The following HDAC7 variants were observed in gnomAD, a reference collection of about 807,000 sequenced individuals.
The protein encoded by HDAC7 is histone deacetylase 7A.
Under a neutral mutation model 115.5 loss-of-function variants are expected in HDAC7, and 26 were observed. That is an observed-to-expected ratio of 0.23 (90% CI 0.16 to 0.31). HDAC7 has a LOEUF of 0.31. HDAC7 is among the 10% of genes least tolerant of loss of function. The pLI is 1.00. For synonymous variants in HDAC7, 564 were observed against 550.9 expected, an observed-to-expected ratio of 1.02 and a Z score of -0.33; for missense variants, 1,068 against 1,329.0, an observed-to-expected ratio of 0.80 and a Z score of 3.05.
chr12:47,788,119 G>C lies in HDAC7; in HGVS notation c.2281C>G (p.Pro761Ala), dbSNP rs143706913. 5 of 1,613,508 alleles carry C rather than the reference G, an allele frequency of 3.1e-6. No individual in the cohort carries two copies. Among genetic ancestry groups the C allele is most frequent in the South Asian group, 2.2e-5 (2 of 90,982 alleles). The change falls in exon 20 of 26, where the codon CCC becomes GCC. Residue 761 changes from proline (P) to alanine (A), a missense_variant. This residue lies in a region of HDAC7 where 182 missense variants were observed against 301.1 expected (regional missense o/e 0.60). Coordinates refer to ENST00000080059, the MANE Select transcript of HDAC7 (RefSeq NM_015401.5). ...TGCAGGGAGATGTAGAGCACACTGGGGTCTTGGTAGAAGGTTTGCTGGGTG... is the reference window on the plus strand; with the variant it reads ...TGCAGGGAGATGTAGAGCACACTGGCGTCTTGGTAGAAGGTTTGCTGGGTG... ...NGTQQTFYQD[P>A]SVLYISLHRH... is the part of the protein sequence containing the mutation.
intron 1 of HDAC7, among the ~76,000 whole-genome samples, chr12:47,810,826 CT>C (rs1944624623): frequency 1.0e-5 from 1 of 97,122 alleles, no homozygotes; most frequent in South Asian, 3.2e-4. Context: ...CTCTCTCTCT[CT>C]CTCTCTCTCT....
intron 13 of HDAC7, 22 bp from the exon 14 acceptor site, chr12:47,792,026 C>T (rs748232722): frequency 5.7e-6 from 9 of 1,587,810 alleles, no homozygotes; most frequent in African/African-American, 4.0e-5. Context: ...AGGGTCAGAG[C>T]GGGGACCCAG....
At chr12:47,817,062 A>G (rs1944870889) in intron 1 of HDAC7, among the ~76,000 whole-genome samples, 3 of 152,230 alleles carry the variant, frequency 2.0e-5, no homozygotes, top group African/African-American at 7.2e-5. Flanking sequence ...CTGTAGCCCT[A>G]AGGCCTGGGG....
At chr12:47,794,691 C>G in intron 12 of HDAC7, 69 bp downstream of exon 12, 3 of 1,437,360 alleles carry the variant, frequency 2.1e-6, no homozygotes, top group Non-Finnish European at 9.2e-7. Context: ...TCCCTCCCTT[C>G]CCCATCTTAT....
In HDAC7 at chr12:47,789,829, G is replaced by A. The variant is rs754320041; in HGVS notation, c.2075C>T (p.Ala692Val). The A allele has an allele frequency of 6.2e-7, 1 of 1,613,462 alleles. No homozygotes were observed. The highest frequency in any genetic ancestry group is 2.2e-5 in the East Asian group (1 of 44,882). Residue 692 changes from alanine (A) to valine (V), a missense_variant, in exon 17 of 26, where the codon GCT (alanine) becomes GTT (valine). By Grantham distance (64) the Ala-to-Val change is moderately conservative (BLOSUM62 0). Coordinates refer to ENST00000080059, the MANE Select transcript of HDAC7 (RefSeq NM_015401.5). ...ACCTCCTACCTTTAGCTCACGAGAAGCCACTTTGAAGGCGAGGTCAGTGAC... is the reference window on the plus strand; with the variant it reads ...ACCTCCTACCTTTAGCTCACGAGAAACCACTTTGAAGGCGAGGTCAGTGAC... ...GSVTDLAFKV[A>V]SRELKNGFAV...
Position 47,798,882 on chromosome 12 carries a change from G to T in HDAC7, c.161C>A (p.Pro54Gln). 1 of 1,546,964 alleles carries T rather than the reference G, an allele frequency of 6.5e-7. No homozygotes were observed. Among genetic ancestry groups the T allele is most frequent in the East Asian group, 2.4e-5 (1 of 42,536 alleles). The change falls in exon 3 of 26, where the codon CCA becomes CAA. Residue 54 changes from proline to glutamine, a missense_variant. Physicochemically the swap from Pro to Gln is moderately conservative, Grantham distance 76. Around this residue, in one of 6 missense-constraint regions of HDAC7, gnomAD observed 161 missense variants for 158.5 expected, o/e 1.02. Coordinates refer to ENST00000080059, the MANE Select transcript of HDAC7 (RefSeq NM_015401.5). This position sits in a 1 kb window ranked among gnomAD's most constrained non-coding sequence, Gnocchi z 4.3. Reference sequence around the variant, plus strand: ...CTGCAGGGCCAGCAATGTGGGCTCTGGTGGGGGCTCCACTGGGGGCCGCTG... The same window carrying T: ...CTGCAGGGCCAGCAATGTGGGCTCTTGTGGGGGCTCCACTGGGGGCCGCTG... ...VGQRPPVEPPPEPTLLALQRP... is the reference protein window; with the variant it reads ...VGQRPPVEPPQEPTLLALQRP...
rs548837747 is a variant in HDAC7 at position 47,815,984 on chromosome 12, C to T, written c.19+3783G>A. Among the ~76,000 whole-genome samples the T allele has an allele frequency of 1.3e-3, 203 of 150,878 alleles. 1 individual carries two copies. Among genetic ancestry groups the T allele is most frequent in the African/African-American group, 4.5e-3 (186 of 40,980 alleles). On this transcript the variant is annotated intron_variant, in intron 1 of 25. Coordinates refer to ENST00000080059, the MANE Select transcript of HDAC7 (RefSeq NM_015401.5). ...TTGGCTCACCGCAACCTCTGCCTCC[C>T]GGGTTTAAGCAATTCTCCTGCCTCA...
chr12:47,818,510 G>A (rs1242411414), intron 1 of HDAC7, among the ~76,000 whole-genome samples: 2 of 152,208 alleles, frequency 1.3e-5, no homozygotes, highest in South Asian at 2.1e-4. Flanking sequence ...GGAAAGGGCC[G>A]CCAAAGCGTC....
At chr12:47,802,889 G>T (rs1042110976) in intron 1 of HDAC7, among the ~76,000 whole-genome samples, 2 of 152,136 alleles carry the variant, frequency 1.3e-5, no homozygotes, top group African/African-American at 4.8e-5. Flanking sequence ...ATAAGGTCAG[G>T]AGTGCACAGC....
chr12:47,816,461 A>G (rs1228227289), intron 1 of HDAC7, among the ~76,000 whole-genome samples: 1 of 152,150 alleles, frequency 6.6e-6, no homozygotes, highest in Non-Finnish European at 1.5e-5. Context: ...AAAACACCCA[A>G]CACAGAACCA....
Position 47,787,761 on chromosome 12 carries a change from C to T in HDAC7, c.2404G>A (p.Gly802Arg). The T allele has an allele frequency of 6.2e-7, 1 of 1,613,150 alleles. No individual in the cohort carries two copies. Among genetic ancestry groups the T allele is most frequent in the Non-Finnish European group, 8.5e-7 (1 of 1,179,734 alleles). Residue 802 changes from glycine (G) to arginine (R), a missense_variant, in exon 21 of 26, where the codon GGA becomes AGA. Physicochemically the swap from Gly to Arg is moderately radical, Grantham distance 125. Coordinates refer to ENST00000080059, the MANE Select transcript of HDAC7 (RefSeq NM_015401.5). The part of the protein sequence containing the change: ...EGFNVNVAWA[G>R]GLDPPMGDPE... ...TCCCCCATGGGGGGGTCCAGACCTC[C>T]AGCCCAGGCCACATTGACATTGAAG...
intron 7 of HDAC7, among the ~76,000 whole-genome samples, 168 bp downstream of exon 7, chr12:47,796,849 T>C (rs900245027): frequency 1.3e-5 from 2 of 152,222 alleles, no homozygotes; most frequent in African/African-American, 4.8e-5. Context: ...GAGCAGGGAC[T>C]GGGTTTCAGC....
At chr12:47,804,274 T>C (rs1233059811) in intron 1 of HDAC7, among the ~76,000 whole-genome samples, 1 of 152,186 alleles carries the variant, frequency 6.6e-6, no homozygotes, top group Non-Finnish European at 1.5e-5. Flanking sequence ...AGTTCTGCTT[T>C]TCCCCCGCTC....
At chr12:47,785,041 AG>A in intron 24 of HDAC7, 1 of 567,674 alleles carries the variant, frequency 1.8e-6, no homozygotes, top group Non-Finnish European at 3.1e-6. Flanking sequence ...GCCTGTGGCC[AG>A]GACTGAGGGG....
rs753951054 is a variant in HDAC7 at position 47,798,223 on chromosome 12, T to C, written c.350-4A>G. The C allele has an allele frequency of 1.2e-6, 2 of 1,608,970 alleles. No homozygotes were observed. Among genetic ancestry groups the C allele is most frequent in the Admixed American group, 3.3e-5 (2 of 59,998 alleles). Reference sequence around the variant, plus strand: ...ACCACGCTGCTGGCTACAGCACCTGTAGGGGCAGAGTCAGGAGGGGGCTGG... The same window carrying C: ...ACCACGCTGCTGGCTACAGCACCTGCAGGGGCAGAGTCAGGAGGGGGCTGG... On this transcript the variant is annotated splice_polypyrimidine_tract_variant and splice_region_variant and intron_variant, in intron 4 of 25. Coordinates refer to ENST00000080059, the MANE Select transcript of HDAC7 (RefSeq NM_015401.5). The surrounding 1 kb of genome is among the most constrained non-coding windows in gnomAD (Gnocchi z 4.3).
chr12:47,817,022 C>G (rs1290503902), intron 1 of HDAC7, among the ~76,000 whole-genome samples: 1 of 152,216 alleles, frequency 6.6e-6, no homozygotes. Context: ...ACTCAGGCCT[C>G]TAAGGAAAGG....
intron 16 of HDAC7, 92 bp downstream of exon 16, chr12:47,791,167 A>T (rs1043255093): frequency 1.6e-6 from 2 of 1,218,656 alleles, no homozygotes; most frequent in Non-Finnish European, 1.2e-6. Flanking sequence ...CACAACAAGC[A>T]GAGGTTCTGC....
At chr12:47,784,869 G>T in intron 24 of HDAC7, 2 of 1,132,742 alleles carry the variant, frequency 1.8e-6, no homozygotes, top group Non-Finnish European at 2.5e-6. Context: ...CCCAGCCCTT[G>T]ATATGGGAAT....
Position 47,795,046 on chromosome 12 carries a change from C to T in HDAC7, c.1285-113G>A. On this transcript the variant is annotated intron_variant, in intron 11 of 25. Transcript: ENST00000080059. The surrounding 1 kb of genome is among the most constrained non-coding windows in gnomAD (Gnocchi z 4.3). ...TCTTGCTAGGACTCCAGCTGCCATGCAGCTCTGGGCCCCAAGAAGCCACAT... is the reference window on the plus strand; with the variant it reads ...TCTTGCTAGGACTCCAGCTGCCATGTAGCTCTGGGCCCCAAGAAGCCACAT... 1 of 1,332,748 alleles carries T rather than the reference C, an allele frequency of 7.5e-7. No homozygotes were observed. Among genetic ancestry groups the T allele is most frequent in the Non-Finnish European group, 1.0e-6 (1 of 958,162 alleles). The allele number at this position is 1,332,748 out of a possible 1,614,324, so 82.6% of individuals were successfully genotyped here.
Sources: gnomAD v4.1 joint callset for allele counts (sites outside exome capture counted in the v4.1 genomes callset) on GRCh38, gnomAD v4.1.1 for gene constraint, gnomAD v4.1.1 regional missense constraint, Gnocchi (gnomAD v3.1) non-coding constraint, MANE v1.5 for transcripts, NCBI Gene and HGNC (gene_info 2026-07-23, HGNC 2026-07-21) for gene names.